Variants in ARID1B observed in about 807,000 individuals in gnomAD.
ARID1B encodes AT-rich interactive domain-containing protein 1B.
Under a neutral mutation model 212.3 loss-of-function variants are expected in ARID1B, and 30 were observed. That is an observed-to-expected ratio of 0.14 (90% CI 0.11 to 0.19). ARID1B has a LOEUF of 0.19. ARID1B is among the 10% of genes least tolerant of loss of function. The pLI, the probability that ARID1B is intolerant of heterozygous loss-of-function variation, is 1.00. For missense variants in ARID1B, 2,891 were observed against 3,204.0 expected (o/e 0.90, Z 2.36); for synonymous variants, 1,402 against 1,301.7 (o/e 1.08, Z -1.66).
chr6:156,843,301 C>G (rs1317762004), intron 2 of ARID1B, among the ~76,000 whole-genome samples: 1 of 152,132 alleles, frequency 6.6e-6, no homozygotes, highest in Non-Finnish European at 1.5e-5. Flanking sequence ...TTTTAAAATA[C>G]AATTTTTAAA....
At chr6:157,181,427 C>T (rs890596921) in intron 12 of ARID1B, among the ~76,000 whole-genome samples, 9 of 152,096 alleles carry the variant, frequency 5.9e-5, no homozygotes, top group African/African-American at 1.4e-4. Context: ...ATGTATACAG[C>T]GGGCCAGACT....
intron 6 of ARID1B, among the ~76,000 whole-genome samples, chr6:157,115,473 C>T (rs1787262422): frequency 2.0e-5 from 3 of 152,216 alleles, no homozygotes; most frequent in Non-Finnish European, 4.4e-5. Context: ...GTGACCCAGG[C>T]TGGAGTGCAG....
At chr6:156,898,673 T>TA (rs1788683339) in intron 2 of ARID1B, among the ~76,000 whole-genome samples, 1 of 152,148 alleles carries the variant, frequency 6.6e-6, no homozygotes, top group Non-Finnish European at 1.5e-5. Flanking sequence ...TAATGATCAT[T>TA]AAAGAATTAG....
At position 156,856,672 on chromosome 6, in the gene ARID1B, CCT is replaced by C. The variant is rs367924636; in HGVS notation, c.1986+27279_1986+27280del. Among the ~76,000 whole-genome samples, 709 of 108,752 alleles carry C rather than the reference CCT, an allele frequency of 6.5e-3. 6 individuals are homozygous for C. Among genetic ancestry groups the C allele is most frequent in the South Asian group, 0.022 (70 of 3,160 alleles). The allele number at this position is 108,752 out of a possible 152,430, so 71.3% of individuals were successfully genotyped here. A position where few individuals can be genotyped will look rare whatever the true frequency, so the allele number is the denominator to read the frequency against. ...ATCCTGTGTGTGTGGGCATGCATAT[CCT>C]CTCTCTCTCTCTCTCTCTCTCTCTC... On this transcript the variant is annotated intron_variant, in intron 2 of 19. Coordinates refer to ENST00000636930, the MANE Select transcript of ARID1B (RefSeq NM_001374828.1).
intron 1 of ARID1B, among the ~76,000 whole-genome samples, chr6:156,805,580 A>G (rs1583071782): frequency 6.6e-6 from 1 of 152,226 alleles, no homozygotes; most frequent in East Asian, 1.9e-4. Context: ...AGGGCCTACA[A>G]GAAAATTTTT....
chr6:157,137,545 G>T (rs747105775), intron 7 of ARID1B, among the ~76,000 whole-genome samples: 2 of 152,160 alleles, frequency 1.3e-5, no homozygotes, highest in Non-Finnish European at 2.9e-5. Context: ...TATCTTGTTT[G>T]TTTTTTGTGT....
At chr6:157,146,217 A>C (rs1789712000) in intron 7 of ARID1B, among the ~76,000 whole-genome samples, 1 of 151,524 alleles carries the variant, frequency 6.6e-6, no homozygotes, top group South Asian at 2.1e-4. Context: ...CAACAATGAA[A>C]CCCCCATCAA....
chr6:156,817,080 T>TAA (rs66864321), intron 1 of ARID1B, among the ~76,000 whole-genome samples: 10 of 135,192 alleles, frequency 7.4e-5, no homozygotes, highest in South Asian at 2.4e-4. Flanking sequence ...GCCCTTTAAT[T>TAA]AAAAAAAAAA....
At chr6:156,923,567 AAG>A (rs1462257309) in intron 3 of ARID1B, among the ~76,000 whole-genome samples, 6 of 152,178 alleles carry the variant, frequency 3.9e-5, no homozygotes, top group Non-Finnish European at 8.8e-5. Flanking sequence ...TGTGGAAATC[AAG>A]AGTTTATTGT....
At position 156,825,404 on chromosome 6, in the gene ARID1B, T is replaced by C. The variant is rs184155568; in HGVS notation, c.1792-3823T>C. On this transcript the variant is annotated intron_variant, in intron 1 of 19. Transcript: ENST00000636930. The stretch of plus-strand genomic sequence containing the variant: ...TGCATTTTGAGAGGTTCAGATAATC[T>C]GTGTATTTAATGCTTTCGATTTTCA... Among the ~76,000 whole-genome samples the C allele has an allele frequency of 1.5e-3, 232 of 152,384 alleles. 2 individuals carry two copies. The highest frequency in any genetic ancestry group is 6.0e-3 in the Admixed American group (92 of 15,312).
intron 12 of ARID1B, 44 bp from the exon 13 acceptor site, chr6:157,184,187 G>C (rs1331271506): frequency 6.5e-7 from 1 of 1,542,946 alleles, no homozygotes; most frequent in Admixed American, 2.0e-5. Context: ...CTTTAAACAA[G>C]CCACTTTGTT....
At chr6:157,055,709 C>G (rs964921004) in intron 4 of ARID1B, among the ~76,000 whole-genome samples, 1 of 152,108 alleles carries the variant, frequency 6.6e-6, no homozygotes, top group African/African-American at 2.4e-5. Flanking sequence ...TTTCTGTAGC[C>G]AAGAGTCCAA....
intron 19 of ARID1B, chr6:157,204,206 CTA>C: frequency 1.8e-6 from 1 of 540,948 alleles, no homozygotes; most frequent in Non-Finnish European, 3.2e-6. Context: ...ACACATACCT[CTA>C]TTTCTTATGA....
intron 4 of ARID1B, among the ~76,000 whole-genome samples, chr6:156,989,353 C>CT (rs1485548296): frequency 6.6e-6 from 1 of 152,150 alleles, no homozygotes; most frequent in Non-Finnish European, 1.5e-5. Context: ...AGGATTATAT[C>CT]TTTTTGCGGT....
chr6:157,198,110 A>G (rs1210220941), intron 16 of ARID1B, among the ~76,000 whole-genome samples: 1 of 152,134 alleles, frequency 6.6e-6, no homozygotes, highest in Non-Finnish European at 1.5e-5. Flanking sequence ...TTTTTATGGT[A>G]TTTATAATTT....
intron 4 of ARID1B, among the ~76,000 whole-genome samples, chr6:156,954,732 T>C (rs1793836330): frequency 6.6e-6 from 1 of 152,198 alleles, no homozygotes; most frequent in Non-Finnish European, 1.5e-5. Flanking sequence ...TCTAAATCCT[T>C]CTTCTATATG....
At chr6:156,805,821 G>A (rs1318988540) in intron 1 of ARID1B, among the ~76,000 whole-genome samples, 1 of 152,026 alleles carries the variant, frequency 6.6e-6, no homozygotes, top group East Asian at 1.9e-4. Context: ...AATCACAGAT[G>A]CGCACTGCCA....
At chr6:157,045,187 G>T (rs1238459102) in intron 4 of ARID1B, among the ~76,000 whole-genome samples, 1 of 152,022 alleles carries the variant, frequency 6.6e-6, no homozygotes, top group African/African-American at 2.4e-5. Flanking sequence ...TTTTAAACAG[G>T]GTCATGAAAT....
chr6:157,140,636 A>G, intron 7 of ARID1B: 1 of 398,606 alleles, frequency 2.5e-6, no homozygotes, highest in Middle Eastern at 6.3e-4. Flanking sequence ...GCTTTGGAGT[A>G]ACACGTAGCT....
Sources: allele counts gnomAD v4.1 joint callset (sites outside exome capture counted in the v4.1 genomes callset), GRCh38; gene constraint gnomAD v4.1.1; transcripts MANE v1.5; gene names NCBI Gene and HGNC (gene_info 2026-07-23, HGNC 2026-07-21).